KIAA1958: variants seen among roughly 807,000 people sequenced by gnomAD.
The protein encoded by KIAA1958 is KIAA1958.
KIAA1958 carries 14 observed loss-of-function variants against 47.2 expected under a neutral mutation model. That is an observed-to-expected ratio of 0.30 (90% CI 0.20 to 0.46). The LOEUF is 0.46. Among genes scored for constraint, KIAA1958 ranks in the 20% least tolerant of loss-of-function variants. KIAA1958 has a pLI of 1.00. For synonymous variants in KIAA1958, 354 were observed against 353.3 expected (o/e 1.00, Z -0.02); for missense variants, 803 against 909.2 (o/e 0.88, Z 1.50).
Position 112,573,636 on chromosome 9 carries a change from G to A in KIAA1958, c.-24-421G>A, listed in dbSNP as rs78867560. 5.3e-5 allele frequency among the ~76,000 whole-genome samples: 8 copies of A among 152,248 alleles called. No individual in the cohort carries two copies. In the East Asian group the frequency reaches 1.5e-3, roughly 29 times the overall value. On this transcript the variant is annotated intron_variant, in intron 1 of 3. Transcript: ENST00000337530. ...TTTCTGATGACAAAGGGTGTCATTG[G>A]AGCTGCATCCTCTTGGTTAATGCAA...
intron 3 of KIAA1958, among the ~76,000 whole-genome samples, chr9:112,651,389 A>G (rs558218148): frequency 1.5e-5 from 2 of 135,718 alleles, no homozygotes; most frequent in African/African-American, 5.2e-5. Flanking sequence ...TTCTCTATAT[A>G]TATACATATT....
At chr9:112,511,887 T>C (rs891235828) in intron 1 of KIAA1958, among the ~76,000 whole-genome samples, 1 of 152,190 alleles carries the variant, frequency 6.6e-6, no homozygotes, top group African/African-American at 2.4e-5. Context: ...ATAAGAGACT[T>C]ATGGTCAACC....
At position 112,575,169 on chromosome 9, in the gene KIAA1958, A is replaced by G. The variant is rs1458216837; in HGVS notation, c.1089A>G (p.Thr363=). ...TAGCCCTTTCTCCCTCAGTTAACAC[A>G]GAGCCAGAAGTGAGCTCCAGTCAGC... The part of the protein sequence containing the change: ...CEVALSPSVN[T]EPEVSSSQQQ... The change falls in exon 2 of 4, where the codon ACA becomes ACG. Residue 363 remains threonine, a synonymous_variant. Coordinates refer to ENST00000337530, the MANE Select transcript of KIAA1958 (RefSeq NM_133465.4). The G allele has an allele frequency of 4.4e-6, 7 of 1,598,092 alleles. No individual in the cohort carries two copies. Among genetic ancestry groups the G allele is most frequent in the Non-Finnish European group, 3.4e-6 (4 of 1,178,812 alleles).
intron 2 of KIAA1958, among the ~76,000 whole-genome samples, chr9:112,578,047 C>T (rs1835679757): frequency 6.6e-6 from 1 of 151,916 alleles, no homozygotes; most frequent in Admixed American, 6.6e-5. Flanking sequence ...CCATTGTTCT[C>T]GGGAAGGGTA....
chr9:112,534,622 C>A (rs920223742), intron 1 of KIAA1958, among the ~76,000 whole-genome samples: 3 of 151,772 alleles, frequency 2.0e-5, no homozygotes, highest in Non-Finnish European at 4.4e-5. Flanking sequence ...TGGCTCACTG[C>A]AACCTCCGCC....
intron 1 of KIAA1958, among the ~76,000 whole-genome samples, chr9:112,557,296 T>C (rs541941360): frequency 6.4e-4 from 98 of 152,214 alleles, no homozygotes; most frequent in Middle Eastern, 3.4e-3. Flanking sequence ...TGTTAGGCTT[T>C]GTTCAAGGTG....
chr9:112,521,306 C>T (rs1041317587), intron 1 of KIAA1958, among the ~76,000 whole-genome samples: 3 of 151,984 alleles, frequency 2.0e-5, no homozygotes, highest in African/African-American at 7.3e-5. Context: ...ACTCTTTGGG[C>T]TTAAGTGATT....
At chr9:112,511,022 A>G (rs1834317731) in intron 1 of KIAA1958, among the ~76,000 whole-genome samples, 1 of 152,028 alleles carries the variant, frequency 6.6e-6, no homozygotes, top group African/African-American at 2.4e-5. Context: ...TGGTGTGTCA[A>G]GAGAGGTAGG....
At chr9:112,653,528 G>A (rs983045806) in intron 3 of KIAA1958, among the ~76,000 whole-genome samples, 13 of 152,136 alleles carry the variant, frequency 8.5e-5, no homozygotes, top group Non-Finnish European at 1.5e-4. Context: ...TGTTAGATGG[G>A]AAACAACTTT....
At chr9:112,497,811 A>G (rs997308236) in intron 1 of KIAA1958, among the ~76,000 whole-genome samples, 1 of 152,042 alleles carries the variant, frequency 6.6e-6, no homozygotes, top group South Asian at 2.1e-4. Flanking sequence ...TGCTCCCCCA[A>G]CCATTTCTAA....
intron 2 of KIAA1958, chr9:112,582,160 G>A (rs955126050): frequency 6.5e-6 from 1 of 153,424 alleles, no homozygotes; most frequent in Admixed American, 6.5e-5. Context: ...TACTTGAGTA[G>A]TAAAGAGTTG....
rs534460106 is a variant in KIAA1958, at chr9:112,623,303, T to C, written c.1172-22347T>C. Among the ~76,000 whole-genome samples, 7 of 152,304 alleles carry C rather than the reference T, an allele frequency of 4.6e-5. No homozygotes were observed. The East Asian group carries it at 1.4e-3, about 29-fold the overall frequency. On this transcript the variant is annotated intron_variant, in intron 2 of 3. Transcript: ENST00000337530. The stretch of plus-strand genomic sequence containing the variant: ...TCACTTAATTCTCACAATAGTCCCA[T>C]TAGGTAAGTATTATTATTTCCCTTT...
intron 2 of KIAA1958, among the ~76,000 whole-genome samples, chr9:112,637,330 A>G (rs897456568): frequency 3.9e-5 from 6 of 152,166 alleles, no homozygotes; most frequent in Non-Finnish European, 7.3e-5. Context: ...ACTGCTAACA[A>G]TGAATTTGCT....
Position 112,668,873 on chromosome 9 carries a change from T to A in KIAA1958, c.*8804T>A, listed in dbSNP as rs2131261937. On this transcript the variant is annotated 3_prime_UTR_variant, in exon 4 of 4. Transcript: ENST00000337530. ...TGTGACTAACAAAAGTCTGTTCAAT[T>A]TAACTACTTAGATAAGAAGCGCAAT... is the stretch of plus-strand genomic sequence containing the variant. 1 of 152,354 alleles carries A rather than the reference T, an allele frequency of 6.6e-6. No homozygotes were observed. The highest frequency in any genetic ancestry group is 1.5e-5 in the Non-Finnish European group (1 of 68,032). 9.4% of individuals were successfully genotyped at this position (152,354 alleles called of 1,614,324 possible). A position where few individuals can be genotyped will look rare whatever the true frequency, so the allele number is the denominator to read the frequency against.
chr9:112,595,976 G>T (rs1225823730), intron 2 of KIAA1958, among the ~76,000 whole-genome samples: 3 of 151,814 alleles, frequency 2.0e-5, no homozygotes, highest in Non-Finnish European at 4.4e-5. Flanking sequence ...GTAAAGACGG[G>T]GTTTCTCCAT....
chr9:112,551,036 GTT>G (rs201387967), intron 1 of KIAA1958, among the ~76,000 whole-genome samples: 25 of 122,604 alleles, frequency 2.0e-4, no homozygotes, highest in South Asian at 5.1e-4. Context: ...CTGCATAGTT[GTT>G]TTTTTTTTTT....
In KIAA1958 at chr9:112,660,328, T is replaced by G. The variant is rs1205141912; in HGVS notation, c.*259T>G. 2.0e-6 allele frequency: 1 copy of G among 503,998 alleles called. No homozygotes were observed. The highest frequency in any genetic ancestry group is 3.2e-5 in the Admixed American group (1 of 30,938). 31.2% of individuals were successfully genotyped at this position (503,998 alleles called of 1,614,324 possible). On this transcript the variant is annotated 3_prime_UTR_variant, in exon 4 of 4. Coordinates refer to ENST00000337530, the MANE Select transcript of KIAA1958 (RefSeq NM_133465.4). ...AGAATCTAACACAATGTATAATTGT[T>G]ACATACAAGAGTGAGGAAATTCATT...
intron 1 of KIAA1958, among the ~76,000 whole-genome samples, chr9:112,547,880 T>A (rs1401731115): frequency 1.3e-5 from 2 of 152,192 alleles, no homozygotes; most frequent in Non-Finnish European, 2.9e-5. Flanking sequence ...TTTATCTGCA[T>A]TATAAAAACC....
chr9:112,560,089 G>T (rs1469171925), intron 1 of KIAA1958, among the ~76,000 whole-genome samples: 1 of 150,662 alleles, frequency 6.6e-6, no homozygotes, highest in Non-Finnish European at 1.5e-5. Flanking sequence ...TTTTGAGACA[G>T]TGTCTTACTA....
Sources: allele counts gnomAD v4.1 joint callset (sites outside exome capture counted in the v4.1 genomes callset), GRCh38; gene constraint gnomAD v4.1.1; transcripts MANE v1.5; gene names NCBI Gene and HGNC (gene_info 2026-07-23, HGNC 2026-07-21).